Variants in FGF14 observed in about 807,000 individuals in gnomAD.
FGF14 encodes fibroblast growth factor homologous factor 4.
FGF14 carries 5 observed loss-of-function variants against 25.5 expected under a neutral mutation model. The observed-to-expected ratio is 0.20, with a 90% CI of 0.10 to 0.41. The LOEUF (loss-of-function observed/expected upper bound fraction) is 0.41. Ranked by LOEUF, FGF14 falls within the 10% of genes least tolerant of loss-of-function variation. The pLI is 1.00. For synonymous variants in FGF14, 138 were observed against 118.3 expected, an observed-to-expected ratio of 1.17 and a Z score of -1.08; for missense variants, 222 against 320.1, an observed-to-expected ratio of 0.69 and a Z score of 2.34.
chr13:101,763,373 T>A (rs1199152548), intron 3 of FGF14, among the ~76,000 whole-genome samples: 1 of 152,224 alleles, frequency 6.6e-6, no homozygotes, highest in Non-Finnish European at 1.5e-5. Context: ...TGTAATGTAC[T>A]CAACCCATGG....
chr13:101,749,074 A>G (rs927603458), intron 3 of FGF14, among the ~76,000 whole-genome samples: 3 of 152,150 alleles, frequency 2.0e-5, no homozygotes, highest in African/African-American at 7.2e-5. Context: ...GACAAATACT[A>G]TACAAATCCA....
At chr13:102,351,552 C>A (rs995959389) in intron 1 of FGF14, among the ~76,000 whole-genome samples, 1 of 152,192 alleles carries the variant, frequency 6.6e-6, no homozygotes, top group Non-Finnish European at 1.5e-5. Flanking sequence ...CTGACAGTTG[C>A]TGTGGGTCAG....
intron 1 of FGF14, among the ~76,000 whole-genome samples, chr13:102,214,615 C>T (rs1053532395): frequency 2.0e-5 from 3 of 152,162 alleles, no homozygotes; most frequent in Non-Finnish European, 2.9e-5. Context: ...CCTACAGAAG[C>T]TAGGCAACCA....
chr13:101,806,893 G>A (rs1403593547), intron 3 of FGF14, among the ~76,000 whole-genome samples: 1 of 152,094 alleles, frequency 6.6e-6, no homozygotes, highest in African/African-American at 2.4e-5. Context: ...CAGTGATAGA[G>A]CTTCCGAATT....
intron 1 of FGF14, among the ~76,000 whole-genome samples, chr13:102,197,067 C>T (rs2049392285): frequency 6.6e-6 from 1 of 151,822 alleles, no homozygotes; most frequent in Non-Finnish European, 1.5e-5. Context: ...TGAGTAGTAT[C>T]TGCTAGGATG....
At chr13:102,019,417 G>T (rs532315276) in intron 1 of FGF14, among the ~76,000 whole-genome samples, 1 of 152,044 alleles carries the variant, frequency 6.6e-6, no homozygotes, top group South Asian at 2.1e-4. Flanking sequence ...TGAGTGCCCC[G>T]CTCGAGAGCA....
At chr13:101,857,108 C>T (rs1288175287) in intron 3 of FGF14, among the ~76,000 whole-genome samples, 1 of 151,966 alleles carries the variant, frequency 6.6e-6, no homozygotes, top group African/African-American at 2.4e-5. Context: ...ATGGAATAAA[C>T]CAATATTCAC....
chr13:101,947,404 T>C (rs1204302099), intron 1 of FGF14, among the ~76,000 whole-genome samples: 3 of 152,170 alleles, frequency 2.0e-5, no homozygotes, highest in Non-Finnish European at 4.4e-5. Flanking sequence ...ACAGTGCTAT[T>C]CACAGTAGCA....
intron 1 of FGF14, among the ~76,000 whole-genome samples, chr13:102,398,829 G>A (rs1055880930): frequency 6.7e-6 from 1 of 149,834 alleles, no homozygotes; most frequent in African/African-American, 2.4e-5. Flanking sequence ...CTTTTAGAAG[G>A]TAAGATAAAT....
At chr13:101,906,818 T>A (rs754595116) in intron 1 of FGF14, among the ~76,000 whole-genome samples, 3 of 152,132 alleles carry the variant, frequency 2.0e-5, no homozygotes, top group Non-Finnish European at 4.4e-5. Flanking sequence ...ACCTTAATCA[T>A]GTCTGTGTAA....
chr13:102,143,057 T>C (rs1320652338), intron 1 of FGF14, among the ~76,000 whole-genome samples: 2 of 152,198 alleles, frequency 1.3e-5, no homozygotes, highest in African/African-American at 4.8e-5. Flanking sequence ...GATTCCACCA[T>C]GGTTTATCCC....
At chr13:101,889,818 A>AC (rs2046180905) in intron 1 of FGF14, among the ~76,000 whole-genome samples, 1 of 152,202 alleles carries the variant, frequency 6.6e-6, no homozygotes, top group Admixed American at 6.5e-5. Context: ...TCCAACCTCT[A>AC]CATGTTTCAG....
chr13:101,923,405 T>C (rs1055307177), intron 1 of FGF14, among the ~76,000 whole-genome samples: 2 of 152,132 alleles, frequency 1.3e-5, no homozygotes, highest in African/African-American at 2.4e-5. Context: ...TGGGTTCTAT[T>C]TGAAAATGTT....
rs75478226 is a variant in FGF14, at chr13:102,400,786, T to C, written c.208+685A>G. ...GACACCGCTTTCTAAAGGGGGGGAC[T>C]TCAATTACAAATATTAGAGGGGCTG... On this transcript the variant is annotated intron_variant, in intron 1 of 4. Coordinates refer to the FGF14 transcript ENST00000376131. This position sits in a 1 kb window ranked among gnomAD's most constrained non-coding sequence, Gnocchi z 4.3. Among the ~76,000 whole-genome samples, 649 of 152,126 alleles carry C rather than the reference T, an allele frequency of 4.3e-3. 7 individuals carry two copies. In the East Asian group the frequency reaches 0.055, roughly 13 times the overall value.
At chr13:101,978,876 A>C (rs1397933242) in intron 1 of FGF14, among the ~76,000 whole-genome samples, 1 of 152,206 alleles carries the variant, frequency 6.6e-6, no homozygotes, top group Non-Finnish European at 1.5e-5. Context: ...CTCTTGCTAC[A>C]TATCACACAC....
chr13:102,217,674 G>C (rs976632455), intron 1 of FGF14, among the ~76,000 whole-genome samples: 1 of 152,172 alleles, frequency 6.6e-6, no homozygotes, highest in African/African-American at 2.4e-5. Flanking sequence ...TGTTGACTCA[G>C]AAAAAGAAAA....
intron 1 of FGF14, among the ~76,000 whole-genome samples, chr13:101,999,592 C>T (rs931497166): frequency 6.6e-6 from 1 of 152,124 alleles, no homozygotes; most frequent in African/African-American, 2.4e-5. Flanking sequence ...GGAGCTTTGA[C>T]CTGAATTCCA....
At chr13:102,158,614 T>C (rs2047471810) in intron 1 of FGF14, among the ~76,000 whole-genome samples, 1 of 151,930 alleles carries the variant, frequency 6.6e-6, no homozygotes, top group Non-Finnish European at 1.5e-5. Flanking sequence ...GGCACATGTA[T>C]ACATACGTAA....
intron 3 of FGF14, among the ~76,000 whole-genome samples, chr13:101,860,081 C>T (rs749630534): frequency 6.6e-6 from 1 of 152,008 alleles, no homozygotes; most frequent in Non-Finnish European, 1.5e-5. Context: ...GCCCTGTTGT[C>T]GATGGTCTCA....
Sources: allele counts gnomAD v4.1 joint callset (sites outside exome capture counted in the v4.1 genomes callset), GRCh38; gene constraint gnomAD v4.1.1; non-coding constraint Gnocchi (gnomAD v3.1); transcripts MANE v1.5; gene names NCBI Gene and HGNC (gene_info 2026-07-23, HGNC 2026-07-21).